TRIM2: variants seen among roughly 807,000 people sequenced by gnomAD.
TRIM2 encodes the protein tripartite motif containing 2, also known as tripartite motif-containing protein 2.
Under a neutral mutation model 75.2 loss-of-function variants are expected in TRIM2, and 20 were observed. The ratio of observed to expected loss-of-function variants is 0.27; its 90% CI spans 0.19 to 0.39. The LOEUF is 0.39. Ranked by LOEUF, TRIM2 falls within the 10% of genes least tolerant of loss-of-function variation. TRIM2 has a pLI of 1.00. For synonymous variants in TRIM2, 373 were observed against 388.3 expected (o/e 0.96, Z 0.46); for missense variants, 660 against 990.8 (o/e 0.67, Z 4.48).
chr4:153,265,435 C>T (rs1396472725), intron 1 of TRIM2, among the ~76,000 whole-genome samples: 2 of 151,872 alleles, frequency 1.3e-5, no homozygotes, highest in East Asian at 1.9e-4. Flanking sequence ...GCTCTCCCTC[C>T]TGGATTCACA....
chr4:153,192,705 G>A (rs1198643900), intron 1 of TRIM2, among the ~76,000 whole-genome samples: 1 of 151,808 alleles, frequency 6.6e-6, no homozygotes, highest in Non-Finnish European at 1.5e-5. Context: ...ACAGTCAGCA[G>A]ATCCAAAACA....
chr4:153,304,329 G>A (rs958469461), intron 6 of TRIM2, among the ~76,000 whole-genome samples: 12 of 152,120 alleles, frequency 7.9e-5, no homozygotes, highest in East Asian at 3.9e-4. Flanking sequence ...GGCCAGGCTC[G>A]TCTTGAACTC....
chr4:153,332,585 C>T (rs1049406194), intron 11 of TRIM2, among the ~76,000 whole-genome samples: 8 of 150,902 alleles, frequency 5.3e-5, no homozygotes, highest in African/African-American at 2.0e-4. Flanking sequence ...GCGGAGGTTG[C>T]AGTGAGCCAT....
chr4:153,212,528 G>T (rs754711974), intron 1 of TRIM2, among the ~76,000 whole-genome samples: 17 of 152,196 alleles, frequency 1.1e-4, no homozygotes, highest in Non-Finnish European at 1.6e-4. Flanking sequence ...TCGTGGTGGT[G>T]TATGCCTGTG....
At chr4:153,166,415 C>A (rs1730311747) in intron 1 of TRIM2, among the ~76,000 whole-genome samples, 2 of 152,126 alleles carry the variant, frequency 1.3e-5, no homozygotes, top group African/African-American at 4.8e-5. Context: ...GTAGGGTGAT[C>A]TGGCAGTAAT....
At chr4:153,221,992 G>GAGGA (rs747404570) in intron 1 of TRIM2, among the ~76,000 whole-genome samples, 5,885 of 87,482 alleles carry the variant, frequency 0.067, 9 homozygotes, top group African/African-American at 0.072. Context: ...GGAAGGGAGA[G>GAGGA]AGGAAGGAAG....
intron 1 of TRIM2, among the ~76,000 whole-genome samples, chr4:153,196,036 C>T (rs895269931): frequency 2.0e-5 from 3 of 152,228 alleles, no homozygotes; most frequent in Admixed American, 6.5e-5. Context: ...TCTTGAACAC[C>T]TGGCCTCAAG....
At chr4:153,303,256 C>T (rs1387808320) in intron 6 of TRIM2, among the ~76,000 whole-genome samples, 1 of 151,440 alleles carries the variant, frequency 6.6e-6, no homozygotes, top group African/African-American at 2.4e-5. Flanking sequence ...CTGAGGTCAG[C>T]AGTTTGAGAC....
chr4:153,168,190 A>G (rs1200169586), intron 1 of TRIM2, among the ~76,000 whole-genome samples: 1 of 152,152 alleles, frequency 6.6e-6, no homozygotes, highest in Middle Eastern at 3.2e-3. Flanking sequence ...AAATTGTGCT[A>G]CATTCATAAA....
intron 6 of TRIM2, among the ~76,000 whole-genome samples, chr4:153,298,239 C>T (rs1381547811): frequency 1.3e-5 from 2 of 152,224 alleles, no homozygotes; most frequent in African/African-American, 4.8e-5. Flanking sequence ...AGTAAAGATG[C>T]TGTCTTAGTT....
intron 10 of TRIM2, among the ~76,000 whole-genome samples, chr4:153,325,616 T>G (rs1769995958): frequency 6.6e-6 from 1 of 152,182 alleles, no homozygotes; most frequent in African/African-American, 2.4e-5. Context: ...CTTCCTACTC[T>G]CACTCACTTT....
intron 3 of TRIM2, among the ~76,000 whole-genome samples, chr4:153,291,191 A>G (rs1394964227): frequency 6.6e-6 from 1 of 152,208 alleles, no homozygotes; most frequent in Non-Finnish European, 1.5e-5. Flanking sequence ...TCACCAGAAA[A>G]GGTTTTTTCC....
At chr4:153,247,650 C>A (rs1377212350) in intron 1 of TRIM2, among the ~76,000 whole-genome samples, 1 of 132,334 alleles carries the variant, frequency 7.6e-6, no homozygotes, top group African/African-American at 2.8e-5. Flanking sequence ...CACACTCCAG[C>A]CTGGGAAACA....
intron 1 of TRIM2, among the ~76,000 whole-genome samples, chr4:153,234,254 AT>A (rs1382359945): frequency 2.0e-5 from 3 of 152,162 alleles, no homozygotes; most frequent in African/African-American, 7.2e-5. Context: ...TCTCCTTGAC[AT>A]CTATGATGTT....
chr4:153,257,947 A>C (rs901585569), intron 1 of TRIM2, among the ~76,000 whole-genome samples: 2 of 152,154 alleles, frequency 1.3e-5, no homozygotes, highest in South Asian at 2.1e-4. Flanking sequence ...ATGGGGAGAA[A>C]ATCATGCAAG....
intron 3 of TRIM2, 140 bp downstream of exon 3, chr4:153,276,270 C>G (rs1404171298): frequency 1.6e-5 from 11 of 677,552 alleles, no homozygotes; most frequent in Non-Finnish European, 2.3e-5. Flanking sequence ...TTTACCAGCC[C>G]TCAGACTACC....
intron 1 of TRIM2, among the ~76,000 whole-genome samples, chr4:153,256,640 T>G (rs1752133650): frequency 6.6e-6 from 1 of 152,234 alleles, no homozygotes; most frequent in Non-Finnish European, 1.5e-5. Flanking sequence ...CTTTTACAAC[T>G]AAGTTTAATG....
chr4:153,225,766 T>C (rs1317123924), intron 1 of TRIM2, among the ~76,000 whole-genome samples: 1 of 152,196 alleles, frequency 6.6e-6, no homozygotes, highest in African/African-American at 2.4e-5. Flanking sequence ...TTACTGGAAA[T>C]TAAATCTCAG....
intron 11 of TRIM2, 79 bp from the exon 12 acceptor site, chr4:153,334,735 C>T: frequency 7.8e-7 from 1 of 1,278,302 alleles, no homozygotes; most frequent in Non-Finnish European, 1.1e-6. Context: ...AAAACATTAG[C>T]ATCAAGAGTT....
Sources: allele counts gnomAD v4.1 joint callset (sites outside exome capture counted in the v4.1 genomes callset), GRCh38; gene constraint gnomAD v4.1.1; transcripts MANE v1.5; gene names NCBI Gene and HGNC (gene_info 2026-07-23, HGNC 2026-07-21).